The following PIP4K2A variants were observed in gnomAD, a reference collection of about 807,000 sequenced individuals.
PIP4K2A encodes phosphatidylinositol-5-phosphate 4-kinase type 2 alpha.
In PIP4K2A, 14 loss-of-function variants were observed where a neutral mutation model predicts 42.9. The observed-to-expected ratio is 0.33, with a 90% CI of 0.22 to 0.51. PIP4K2A has a LOEUF of 0.51. PIP4K2A is among the 20% of genes least tolerant of loss of function. The pLI is 0.97. For missense variants in PIP4K2A, 434 were observed against 519.8 expected (o/e 0.83, Z 1.61); for synonymous variants, 192 against 192.2 (o/e 1.00, Z 0.01).
chr10:22,601,648 G>C (rs1305181356), intron 3 of PIP4K2A, among the ~76,000 whole-genome samples: 1 of 152,210 alleles, frequency 6.6e-6, no homozygotes, highest in African/African-American at 2.4e-5. Context: ...TGTAGGTTGA[G>C]CATTAGAGTT....
intron 3 of PIP4K2A, among the ~76,000 whole-genome samples, chr10:22,605,867 T>C (rs1837895898): frequency 6.6e-6 from 1 of 151,950 alleles, no homozygotes; most frequent in African/African-American, 2.4e-5. Context: ...AAGCACCTAG[T>C]TCATTTTCAG....
intron 1 of PIP4K2A, among the ~76,000 whole-genome samples, chr10:22,651,776 C>T (rs1839001509): frequency 6.6e-6 from 1 of 152,224 alleles, no homozygotes; most frequent in African/African-American, 2.4e-5. Context: ...AGCTCAGTGG[C>T]TGCAGGGTGC....
intron 1 of PIP4K2A, among the ~76,000 whole-genome samples, chr10:22,673,464 C>T (rs566436525): frequency 6.6e-6 from 1 of 152,082 alleles, no homozygotes. Context: ...CGGGGTCTTG[C>T]ATCAAGCCCA....
chr10:22,644,116 T>G (rs1226219063), intron 1 of PIP4K2A, among the ~76,000 whole-genome samples: 1 of 152,184 alleles, frequency 6.6e-6, no homozygotes, highest in Non-Finnish European at 1.5e-5. Flanking sequence ...TCCCCTGGCC[T>G]GCAACCAGCT....
chr10:22,636,489 C>CT (rs966069098), intron 1 of PIP4K2A, among the ~76,000 whole-genome samples: 8 of 152,206 alleles, frequency 5.3e-5, no homozygotes, highest in African/African-American at 1.7e-4. Context: ...TCTTGAACTT[C>CT]TGGCCTCAAG....
chr10:22,570,865 C>T (rs984917895), intron 5 of PIP4K2A, among the ~76,000 whole-genome samples: 5 of 151,666 alleles, frequency 3.3e-5, no homozygotes, highest in Non-Finnish European at 2.9e-5. Context: ...TGAAAAAAAC[C>T]AGCACCATCT....
intron 6 of PIP4K2A, among the ~76,000 whole-genome samples, chr10:22,562,277 G>A (rs936207871): frequency 9.2e-5 from 14 of 152,182 alleles, no homozygotes; most frequent in African/African-American, 1.7e-4. Flanking sequence ...GGCCGGGCGC[G>A]GTGGCTAATG....
chr10:22,535,356 C>G lies in PIP4K2A; in HGVS notation c.*1845G>C, dbSNP rs1030676172. 11 of 152,228 alleles carry G rather than the reference C, an allele frequency of 7.2e-5. No individual in the cohort carries two copies. Among genetic ancestry groups the G allele is most frequent in the African/African-American group, 2.7e-4 (11 of 41,440 alleles). The allele number at this position is 152,228 out of a possible 1,614,324, so 9.4% of individuals were successfully genotyped here. A position where few individuals can be genotyped will look rare whatever the true frequency, so the allele number is the denominator to read the frequency against. On this transcript the variant is annotated 3_prime_UTR_variant, in exon 10 of 10. Coordinates refer to ENST00000376573, the MANE Select transcript of PIP4K2A (RefSeq NM_005028.5). ...AATACATAAAAGATGAATCTGTACA[C>G]TACGTGACAGTGGTGTTAACACTGG...
intron 1 of PIP4K2A, among the ~76,000 whole-genome samples, chr10:22,653,734 C>A (rs529350102): frequency 6.6e-6 from 1 of 152,032 alleles, no homozygotes; most frequent in African/African-American, 2.4e-5. Context: ...GCCGGCATGG[C>A]GAAATCCTGT....
At chr10:22,606,679 C>T (rs1291320090) in intron 3 of PIP4K2A, among the ~76,000 whole-genome samples, 2 of 152,184 alleles carry the variant, frequency 1.3e-5, no homozygotes, top group Non-Finnish European at 2.9e-5. Flanking sequence ...GAGGAAAATA[C>T]AGGGTAAGCT....
Position 22,541,993 on chromosome 10 carries a change from C to G in PIP4K2A, c.847G>C (p.Val283Leu), listed in dbSNP as rs61749168. The G allele has an allele frequency of 2.5e-6, 4 of 1,613,966 alleles. No individual in the cohort carries two copies. Among genetic ancestry groups the G allele is most frequent in the Non-Finnish European group, 3.4e-6 (4 of 1,179,904 alleles). ...ACTTCCTCCTGTTCGGCTCTCTCCA[C>G]ATCATGAATTCCCACCAGCAGACTG... is the stretch of plus-strand genomic sequence containing the variant. ...DYSLLVGIHD[V>L]ERAEQEEVEC... The change falls in exon 8 of 10, where the codon GTG becomes CTG. Residue 283 changes from valine (V) to leucine (L), a missense_variant. Physicochemically the swap from Val to Leu is conservative, Grantham distance 32. Around this residue, in one of 2 missense-constraint regions of PIP4K2A, gnomAD observed 395 missense variants for 444.5 expected, o/e 0.89. Transcript: ENST00000376573.
Position 22,576,080 on chromosome 10 carries a change from C to T in PIP4K2A, c.493-2623G>A, listed in dbSNP as rs554386272. Among the ~76,000 whole-genome samples, 128 of 152,252 alleles carry T rather than the reference C, an allele frequency of 8.4e-4. 2 individuals carry two copies. The highest frequency in any genetic ancestry group is 2.9e-3 in the African/African-American group (119 of 41,546). Reference sequence around the variant, plus strand: ...GAGGATATAAACATGTACAAACCCACAAGTCATACCAAAGTTTATCTATTA... The same window carrying T: ...GAGGATATAAACATGTACAAACCCATAAGTCATACCAAAGTTTATCTATTA... On this transcript the variant is annotated intron_variant, in intron 4 of 9. Transcript: ENST00000376573.
intron 7 of PIP4K2A, among the ~76,000 whole-genome samples, chr10:22,543,131 G>T (rs780123861): frequency 1.3e-5 from 2 of 152,184 alleles, no homozygotes; most frequent in African/African-American, 4.8e-5. Flanking sequence ...GCTAAGCCCC[G>T]CAGAGTCATT....
chr10:22,601,775 C>T (rs189074856), intron 3 of PIP4K2A, among the ~76,000 whole-genome samples: 1 of 152,290 alleles, frequency 6.6e-6, no homozygotes, highest in East Asian at 1.9e-4. Context: ...ACAAGCCTCA[C>T]CAGGTATCCT....
chr10:22,669,247 G>GT (rs1839404672), intron 1 of PIP4K2A, among the ~76,000 whole-genome samples: 1 of 152,078 alleles, frequency 6.6e-6, no homozygotes, highest in Non-Finnish European at 1.5e-5. Context: ...AGAAGGAAAG[G>GT]TATGTATAGT....
intron 9 of PIP4K2A, chr10:22,539,677 C>T: frequency 3.0e-6 from 1 of 328,906 alleles, no homozygotes; most frequent in South Asian, 7.8e-5. Flanking sequence ...AAGAGATGTT[C>T]ATGTTTAAGT....
intron 1 of PIP4K2A, among the ~76,000 whole-genome samples, chr10:22,698,743 A>AT (rs902681923): frequency 6.6e-6 from 1 of 152,216 alleles, no homozygotes; most frequent in African/African-American, 2.4e-5. Flanking sequence ...TCTCAATGAG[A>AT]TTTTTTTAAA....
chr10:22,662,164 T>G (rs1039696762), intron 1 of PIP4K2A, among the ~76,000 whole-genome samples: 2 of 152,230 alleles, frequency 1.3e-5, no homozygotes, highest in African/African-American at 2.4e-5. Flanking sequence ...TCACCTATTA[T>G]TTGCCAGATT....
At chr10:22,662,737 A>C (rs1467969001) in intron 1 of PIP4K2A, among the ~76,000 whole-genome samples, 1 of 152,218 alleles carries the variant, frequency 6.6e-6, no homozygotes, top group African/African-American at 2.4e-5. Flanking sequence ...CAGTATATCT[A>C]GAGACACCAC....
Sources: allele counts gnomAD v4.1 joint callset (sites outside exome capture counted in the v4.1 genomes callset), GRCh38; gene constraint gnomAD v4.1.1; regional missense constraint gnomAD v4.1.1; transcripts MANE v1.5; gene names NCBI Gene and HGNC (gene_info 2026-07-23, HGNC 2026-07-21).